Variants in ULK4 observed in about 807,000 individuals in gnomAD.
The protein encoded by ULK4 is unc-51 like kinase 4.
A neutral mutation model predicts 160.6 loss-of-function variants in ULK4; 133 were observed. The ratio of observed to expected loss-of-function variants is 0.83; its 90% CI spans 0.72 to 0.96. The LOEUF (loss-of-function observed/expected upper bound fraction) is 0.96, where lower values mean the gene tolerates loss of function less well. Among genes scored for constraint, ULK4 ranks in the 40% least tolerant of loss-of-function variants. The pLI is 0.00. For synonymous variants in ULK4, 534 were observed against 539.8 expected, an observed-to-expected ratio of 0.99 and a Z score of 0.15; for missense variants, 1,580 against 1,499.5, an observed-to-expected ratio of 1.05 and a Z score of -0.89.
chr3:41,506,807 T>TATATATATATATATGA (rs1559658299), intron 32 of ULK4, among the ~76,000 whole-genome samples: 1 of 110,694 alleles, frequency 9.0e-6, no homozygotes, highest in African/African-American at 3.4e-5. Context: ...TATATATATA[T>TATATATATATATATGA]GAACATGTTT....
At chr3:41,772,752 G>C (rs2039440542) in intron 21 of ULK4, among the ~76,000 whole-genome samples, 2 of 152,130 alleles carry the variant, frequency 1.3e-5, no homozygotes, top group African/African-American at 4.8e-5. Context: ...CCAAAGCCTG[G>C]CAGAGACACA....
chr3:41,616,142 G>A (rs376045889), intron 30 of ULK4, among the ~76,000 whole-genome samples: 2 of 152,076 alleles, frequency 1.3e-5, no homozygotes, highest in Middle Eastern at 3.2e-3. Flanking sequence ...AATGTATGAC[G>A]AATTTTAATG....
chr3:41,727,838 C>A (rs1432463359), intron 22 of ULK4, among the ~76,000 whole-genome samples: 3 of 152,134 alleles, frequency 2.0e-5, no homozygotes, highest in Non-Finnish European at 4.4e-5. Flanking sequence ...GATGAGAAGT[C>A]ATGGTGGCTT....
chr3:41,506,767 A>AAAAAAAAAAATATATATATATAAATATAT lies in ULK4; in HGVS notation c.3227-43515_3227-43514insATATATTTATATATATATATTTTTTTTTT. Among the ~76,000 whole-genome samples the AAAAAAAAAAATATATATATATAAATATAT allele has an allele frequency of 2.9e-3, 166 of 56,794 alleles. 15 individuals carry two copies. The highest frequency in any genetic ancestry group is 0.01 in the Middle Eastern group (1 of 98). 37.3% of individuals were successfully genotyped at this position (56,794 alleles called of 152,430 possible). A position where few individuals can be genotyped will look rare whatever the true frequency, so the allele number is the denominator to read the frequency against. ...AGCAATACACTGGAGTGTGATTTAA[A>AAAAAAAAAAATATATATATATAAATATAT]ATATATATATATATATATATATATA... On this transcript the variant is annotated intron_variant, in intron 32 of 36. Coordinates refer to ENST00000301831, the MANE Select transcript of ULK4 (RefSeq NM_017886.4).
intron 34 of ULK4, among the ~76,000 whole-genome samples, chr3:41,414,020 C>T (rs1162725978): frequency 6.6e-6 from 1 of 152,296 alleles, no homozygotes; most frequent in African/African-American, 2.4e-5. Flanking sequence ...GCCTGACCAA[C>T]ATGGAGAAAC....
At chr3:41,546,798 G>A (rs2086879080) in intron 32 of ULK4, among the ~76,000 whole-genome samples, 1 of 141,534 alleles carries the variant, frequency 7.1e-6, no homozygotes, top group African/African-American at 2.6e-5. Context: ...AAAAGCCAGA[G>A]TGAACACAAG....
chr3:41,692,128 T>G (rs1022880553), intron 27 of ULK4, among the ~76,000 whole-genome samples: 3 of 151,416 alleles, frequency 2.0e-5, no homozygotes, highest in African/African-American at 7.3e-5. Flanking sequence ...ATTTTTTGTA[T>G]TTTTAGTAGA....
chr3:41,248,958 CGGGTGTCAAA>C (rs572288904), intron 36 of ULK4, among the ~76,000 whole-genome samples: 3 of 152,208 alleles, frequency 2.0e-5, no homozygotes, highest in Non-Finnish European at 4.4e-5. Flanking sequence ...TGTCAGCTTC[CGGGTGTCAAA>C]TACGCAGTTC....
At chr3:41,286,615 C>T (rs2079463732) in intron 35 of ULK4, among the ~76,000 whole-genome samples, 1 of 152,148 alleles carries the variant, frequency 6.6e-6, no homozygotes. Context: ...CCCTAAACTG[C>T]AGGCACAGAC....
chr3:41,845,773 C>G (rs1037200326), intron 17 of ULK4, among the ~76,000 whole-genome samples: 5 of 152,052 alleles, frequency 3.3e-5, no homozygotes, highest in Non-Finnish European at 7.4e-5. Flanking sequence ...TTTGTCCCCC[C>G]CAAATCTCAT....
At chr3:41,644,004 G>T (rs1270012117) in intron 30 of ULK4, among the ~76,000 whole-genome samples, 2 of 151,990 alleles carry the variant, frequency 1.3e-5, no homozygotes, top group East Asian at 3.9e-4. Context: ...GTCTGTTATT[G>T]GTGTATAAGA....
intron 29 of ULK4, among the ~76,000 whole-genome samples, chr3:41,679,912 C>T (rs1031888741): frequency 6.6e-6 from 1 of 152,156 alleles, no homozygotes; most frequent in Non-Finnish European, 1.5e-5. Flanking sequence ...CAGAGCCTTG[C>T]TATGCTGCCC....
chr3:41,655,151 A>T (rs1559464605), intron 30 of ULK4, among the ~76,000 whole-genome samples: 1 of 152,020 alleles, frequency 6.6e-6, no homozygotes, highest in African/African-American at 2.4e-5. Flanking sequence ...TCTACAAAAA[A>T]AAAAATCGTT....
Position 41,280,250 on chromosome 3 carries a change from C to T in ULK4, c.3679-30676G>A, listed in dbSNP as rs556807485. ...ACATTGTCAATATTAGACAGATCAACGAGACAGAAGGTTAACAAGGATATC... is the reference window on the plus strand; with the variant it reads ...ACATTGTCAATATTAGACAGATCAATGAGACAGAAGGTTAACAAGGATATC... On this transcript the variant is annotated intron_variant, in intron 35 of 36. Coordinates refer to ENST00000301831, the MANE Select transcript of ULK4 (RefSeq NM_017886.4). Among the ~76,000 whole-genome samples, 8 of 152,220 alleles carry T rather than the reference C, an allele frequency of 5.3e-5. No homozygotes were observed. In the East Asian group the frequency reaches 1.2e-3, roughly 22 times the overall value.
chr3:41,549,726 T>A (rs999385276), intron 32 of ULK4, among the ~76,000 whole-genome samples: 2 of 151,902 alleles, frequency 1.3e-5, no homozygotes, highest in South Asian at 2.1e-4. Flanking sequence ...AAAAAGGTCT[T>A]CTCTAAGGCA....
intron 30 of ULK4, among the ~76,000 whole-genome samples, chr3:41,651,476 C>T (rs977843110): frequency 6.6e-6 from 1 of 152,156 alleles, no homozygotes; most frequent in African/African-American, 2.4e-5. Context: ...TACCTCCATC[C>T]AATCATAAGC....
At chr3:41,747,556 C>A (rs896723970) in intron 22 of ULK4, among the ~76,000 whole-genome samples, 1 of 151,984 alleles carries the variant, frequency 6.6e-6, no homozygotes, top group Non-Finnish European at 1.5e-5. Flanking sequence ...TTCTGTTCCC[C>A]CCAAAATTCA....
At chr3:41,880,285 C>A (rs1313274812) in intron 17 of ULK4, among the ~76,000 whole-genome samples, 1 of 152,024 alleles carries the variant, frequency 6.6e-6, no homozygotes, top group African/African-American at 2.4e-5. Context: ...AATGTGTTAT[C>A]TAGGAATATA....
intron 30 of ULK4, among the ~76,000 whole-genome samples, chr3:41,632,775 T>G (rs2033801286): frequency 6.6e-6 from 1 of 152,176 alleles, no homozygotes; most frequent in African/African-American, 2.4e-5. Flanking sequence ...TACTATCTTT[T>G]TACTTCAGAT....
Sources: gnomAD v4.1 joint callset for allele counts (sites outside exome capture counted in the v4.1 genomes callset) on GRCh38, gnomAD v4.1.1 for gene constraint, MANE v1.5 for transcripts, NCBI Gene and HGNC (gene_info 2026-07-23, HGNC 2026-07-21) for gene names.